The following TBX15 variants were observed in gnomAD, a reference collection of about 807,000 sequenced individuals.
TBX15 encodes T-box transcription factor 15.
A neutral mutation model predicts 53.9 loss-of-function variants in TBX15; 18 were observed. That is an observed-to-expected ratio of 0.33 (90% CI 0.23 to 0.49). The LOEUF (loss-of-function observed/expected upper bound fraction) is 0.49, where lower values mean the gene tolerates loss of function less well. Among genes scored for constraint, TBX15 ranks in the 20% least tolerant of loss-of-function variants. TBX15 has a pLI of 0.98. For missense variants in TBX15, 692 were observed against 749.5 expected, an observed-to-expected ratio of 0.92 and a Z score of 0.90; for synonymous variants, 295 against 278.0, an observed-to-expected ratio of 1.06 and a Z score of -0.61.
intron 5 of TBX15, among the ~76,000 whole-genome samples, chr1:118,917,320 A>T (rs1001326819): frequency 6.6e-6 from 1 of 152,228 alleles, no homozygotes; most frequent in African/African-American, 2.4e-5. Flanking sequence ...ACGCAGGAAC[A>T]GAAAACCAAA....
At chr1:118,916,481 A>G (rs1271046504) in intron 5 of TBX15, among the ~76,000 whole-genome samples, 1 of 152,236 alleles carries the variant, frequency 6.6e-6, no homozygotes, top group African/African-American at 2.4e-5. Flanking sequence ...AACACATGAA[A>G]AAAAGCTCAA....
At chr1:118,919,977 AT>A (rs1655368321) in intron 5 of TBX15, among the ~76,000 whole-genome samples, 1 of 152,150 alleles carries the variant, frequency 6.6e-6, no homozygotes, top group African/African-American at 2.4e-5. Context: ...TATTTTTCTC[AT>A]TTTTCAGTGG....
At chr1:118,947,827 G>T (rs954591925) in intron 1 of TBX15, among the ~76,000 whole-genome samples, 2 of 152,084 alleles carry the variant, frequency 1.3e-5, no homozygotes, top group African/African-American at 4.8e-5. Flanking sequence ...TCCTCAAACT[G>T]GTCCATGCCT....
intron 6 of TBX15, among the ~76,000 whole-genome samples, chr1:118,899,510 T>C (rs1654546192): frequency 6.6e-6 from 1 of 152,150 alleles, no homozygotes; most frequent in South Asian, 2.1e-4. Flanking sequence ...TCGTCATCAT[T>C]ACCACACTGC....
chr1:118,986,445 C>A (rs1303551540), intron 1 of TBX15, among the ~76,000 whole-genome samples: 1 of 152,278 alleles, frequency 6.6e-6, no homozygotes, highest in African/African-American at 2.4e-5. Flanking sequence ...AACTCTATCT[C>A]TGCAGGTCAC....
chr1:118,939,261 G>C (rs1656067194), intron 1 of TBX15, among the ~76,000 whole-genome samples: 1 of 151,532 alleles, frequency 6.6e-6, no homozygotes, highest in South Asian at 2.1e-4. Context: ...CCAAAAATTA[G>C]CCAGGCATGA....
chr1:118,913,991 G>A (rs937652877), intron 6 of TBX15, 124 bp downstream of exon 6: 17 of 925,354 alleles, frequency 1.8e-5, no homozygotes, highest in Admixed American at 5.9e-5. Context: ...TCTCTTTGCC[G>A]AAGTGTACAC....
At chr1:118,964,228 A>T (rs1270914710) in intron 1 of TBX15, among the ~76,000 whole-genome samples, 4 of 152,242 alleles carry the variant, frequency 2.6e-5, no homozygotes, top group African/African-American at 9.6e-5. Context: ...TTGTCTTGCC[A>T]TGGGGCTGAA....
At chr1:118,934,163 C>T (rs762562504) in intron 1 of TBX15, among the ~76,000 whole-genome samples, 3 of 152,078 alleles carry the variant, frequency 2.0e-5, no homozygotes, top group Non-Finnish European at 4.4e-5. Flanking sequence ...TTAGACAAGC[C>T]ATTTAACCAC....
At position 118,884,661 on chromosome 1, in the gene TBX15, A is replaced by G. The variant is rs938654317; in HGVS notation, c.*71T>C. The G allele has an allele frequency of 3.8e-6, 6 of 1,586,276 alleles. No individual in the cohort carries two copies. The African/African-American group carries it at 4.0e-5, about 11-fold the overall frequency. Reference sequence around the variant, plus strand: ...GTTTTTCAAAGACACTGGACTCCCAAAGAGGAGGATCTGACCACGGAGACT... The same window carrying G: ...GTTTTTCAAAGACACTGGACTCCCAGAGAGGAGGATCTGACCACGGAGACT... On this transcript the variant is annotated 3_prime_UTR_variant, in exon 8 of 8. Transcript: ENST00000369429.
At chr1:118,894,747 A>G (rs898731698) in intron 7 of TBX15, among the ~76,000 whole-genome samples, 1 of 152,186 alleles carries the variant, frequency 6.6e-6, no homozygotes, top group African/African-American at 2.4e-5. Context: ...GAGGTAGATG[A>G]TAACTCAGTT....
chr1:118,960,624 G>A (rs1214348677), intron 1 of TBX15, among the ~76,000 whole-genome samples: 3 of 152,196 alleles, frequency 2.0e-5, no homozygotes, highest in Non-Finnish European at 2.9e-5. Context: ...AGGCCTGCCA[G>A]GGTAGAAAGC....
chr1:118,982,679 A>C (rs1657685324), intron 1 of TBX15, among the ~76,000 whole-genome samples: 2 of 152,210 alleles, frequency 1.3e-5, no homozygotes, highest in Admixed American at 1.3e-4. Flanking sequence ...ATTTTAAACA[A>C]ATTTTCTTTC....
chr1:118,892,507 G>A (rs1173243228), intron 7 of TBX15, among the ~76,000 whole-genome samples: 1 of 152,136 alleles, frequency 6.6e-6, no homozygotes, highest in Non-Finnish European at 1.5e-5. Context: ...AGTCAAAGTG[G>A]CCATTCTCTG....
intron 1 of TBX15, among the ~76,000 whole-genome samples, chr1:118,985,588 C>A (rs1328809449): frequency 1.3e-5 from 2 of 152,202 alleles, no homozygotes; most frequent in Non-Finnish European, 2.9e-5. Flanking sequence ...AAGGCTAGGC[C>A]CGGCCTGTAG....
At chr1:118,887,302 G>A (rs1653979463) in intron 7 of TBX15, among the ~76,000 whole-genome samples, 1 of 152,156 alleles carries the variant, frequency 6.6e-6, no homozygotes, top group African/African-American at 2.4e-5. Flanking sequence ...CTTAGAAGCT[G>A]AGCATTATAA....
At chr1:118,906,368 T>C (rs1654827410) in intron 6 of TBX15, among the ~76,000 whole-genome samples, 1 of 152,162 alleles carries the variant, frequency 6.6e-6, no homozygotes, top group Admixed American at 6.5e-5. Context: ...ACAAGTTGTT[T>C]CAGATTTCAG....
At chr1:118,933,412 T>A (rs902912309) in intron 1 of TBX15, among the ~76,000 whole-genome samples, 3 of 151,840 alleles carry the variant, frequency 2.0e-5, no homozygotes, top group African/African-American at 7.3e-5. Flanking sequence ...AATCACTACA[T>A]GAAGATGTAG....
chr1:118,976,806 C>A (rs145060883), intron 1 of TBX15, among the ~76,000 whole-genome samples: 1 of 152,184 alleles, frequency 6.6e-6, no homozygotes, highest in East Asian at 1.9e-4. Context: ...TAACTGCGGG[C>A]TATAAACAAA....
Sources: allele counts gnomAD v4.1 joint callset (sites outside exome capture counted in the v4.1 genomes callset), GRCh38; gene constraint gnomAD v4.1.1; transcripts MANE v1.5; gene names NCBI Gene and HGNC (gene_info 2026-07-23, HGNC 2026-07-21).